ZNF804A: variants seen among roughly 807,000 people sequenced by gnomAD.
ZNF804A encodes zinc finger protein 804A.
ZNF804A carries 2 observed loss-of-function variants against 16.5 expected under a neutral mutation model. That is an observed-to-expected ratio of 0.12 (90% CI 0.05 to 0.38). The LOEUF (loss-of-function observed/expected upper bound fraction) is 0.38. ZNF804A is among the 10% of genes least tolerant of loss of function. The pLI is 0.99. For missense variants in ZNF804A, 1,473 were observed against 1,390.7 expected (o/e 1.06, Z -0.94); for synonymous variants, 534 against 489.6 (o/e 1.09, Z -1.20).
At chr2:184,636,123 A>T (rs975838074) in intron 1 of ZNF804A, among the ~76,000 whole-genome samples, 1 of 152,104 alleles carries the variant, frequency 6.6e-6, no homozygotes, top group Non-Finnish European at 1.5e-5. Context: ...GTACACGTAT[A>T]CCCACTGCAT....
At chr2:184,856,751 T>C (rs960184588) in intron 1 of ZNF804A, among the ~76,000 whole-genome samples, 1 of 152,200 alleles carries the variant, frequency 6.6e-6, no homozygotes, top group Non-Finnish European at 1.5e-5. Context: ...CTTCAGGCCA[T>C]GTTAAGGAAT....
chr2:184,761,759 A>C (rs982786579), intron 1 of ZNF804A, among the ~76,000 whole-genome samples: 2 of 152,156 alleles, frequency 1.3e-5, no homozygotes, highest in African/African-American at 4.8e-5. Context: ...GTTTGTGCAC[A>C]GAATGTAGAT....
intron 1 of ZNF804A, among the ~76,000 whole-genome samples, chr2:184,862,597 T>C (rs1263156444): frequency 1.3e-5 from 2 of 152,162 alleles, no homozygotes; most frequent in Non-Finnish European, 2.9e-5. Context: ...ATGTTAACAA[T>C]AATTTTATTT....
At chr2:184,756,196 T>C (rs1042649215) in intron 1 of ZNF804A, among the ~76,000 whole-genome samples, 1 of 151,852 alleles carries the variant, frequency 6.6e-6, no homozygotes, top group African/African-American at 2.4e-5. Context: ...TTTTTGAAGG[T>C]GTGTTCTCAT....
At chr2:184,833,539 G>T (rs138638758) in intron 1 of ZNF804A, among the ~76,000 whole-genome samples, 66 of 152,050 alleles carry the variant, frequency 4.3e-4, no homozygotes, top group Admixed American at 8.5e-4. Flanking sequence ...AGCTACATGT[G>T]GCTACTTGTT....
intron 1 of ZNF804A, among the ~76,000 whole-genome samples, chr2:184,811,753 G>A (rs1469826122): frequency 6.6e-6 from 1 of 152,032 alleles, no homozygotes; most frequent in Non-Finnish European, 1.5e-5. Context: ...AAGAAAATAA[G>A]TCATCAAAAT....
Position 184,730,729 on chromosome 2 carries a change from A to G in ZNF804A, c.111+131659A>G, listed in dbSNP as rs78015828. On this transcript the variant is annotated intron_variant, in intron 1 of 3. Transcript: ENST00000302277. Reference sequence around the variant, plus strand: ...TCTCATTTCTTTTTAGCACTGAATAATATTCCATTGTCTGGATGTGCCATG... The same window carrying G: ...TCTCATTTCTTTTTAGCACTGAATAGTATTCCATTGTCTGGATGTGCCATG... Among the ~76,000 whole-genome samples the G allele has an allele frequency of 2.7e-3, 410 of 152,194 alleles. 15 individuals carry two copies. In the East Asian group the frequency reaches 0.074, roughly 27 times the overall value.
chr2:184,621,405 C>T (rs1160666398), intron 1 of ZNF804A, among the ~76,000 whole-genome samples: 1 of 151,566 alleles, frequency 6.6e-6, no homozygotes, highest in South Asian at 2.1e-4. Context: ...ATCCATGTAT[C>T]CATATTTCTA....
intron 2 of ZNF804A, among the ~76,000 whole-genome samples, chr2:184,879,625 A>G (rs10206265): frequency 0.33 from 49,491 of 151,888 alleles, 10,791 homozygotes; most frequent in African/African-American, 0.62. Flanking sequence ...TTTGCTGTTC[A>G]GCAGGAAAAA....
chr2:184,615,459 A>G (rs2105675410), intron 1 of ZNF804A, among the ~76,000 whole-genome samples: 1 of 152,220 alleles, frequency 6.6e-6, no homozygotes, highest in Middle Eastern at 3.2e-3. Flanking sequence ...ATTAATAATG[A>G]CACTGCCTTT....
chr2:184,769,930 G>A (rs1031016816), intron 1 of ZNF804A, among the ~76,000 whole-genome samples: 1 of 151,856 alleles, frequency 6.6e-6, no homozygotes, highest in African/African-American at 2.4e-5. Flanking sequence ...ATCTGTTATT[G>A]CAAAACTAGA....
intron 1 of ZNF804A, among the ~76,000 whole-genome samples, chr2:184,693,313 G>A (rs1559127998): frequency 6.6e-6 from 1 of 152,112 alleles, no homozygotes; most frequent in East Asian, 1.9e-4. Context: ...AACCATATAT[G>A]GCATACACCT....
chr2:184,608,557 T>A (rs895276757), intron 1 of ZNF804A, among the ~76,000 whole-genome samples: 1 of 152,194 alleles, frequency 6.6e-6, no homozygotes, highest in Non-Finnish European at 1.5e-5. Context: ...GACTTGTTAT[T>A]GTTAAGCTCC....
At chr2:184,921,773 C>G (rs1476322018) in intron 2 of ZNF804A, among the ~76,000 whole-genome samples, 1 of 152,016 alleles carries the variant, frequency 6.6e-6, no homozygotes, top group Non-Finnish European at 1.5e-5. Flanking sequence ...TTACCCTACC[C>G]CCAGCTACAC....
At chr2:184,762,059 A>G (rs989623101) in intron 1 of ZNF804A, among the ~76,000 whole-genome samples, 1 of 152,096 alleles carries the variant, frequency 6.6e-6, no homozygotes, top group Admixed American at 6.5e-5. Context: ...AAAGGAATAT[A>G]TCTCTGTCAC....
chr2:184,603,119 G>A (rs918151110), intron 1 of ZNF804A, among the ~76,000 whole-genome samples: 13 of 152,126 alleles, frequency 8.5e-5, no homozygotes, highest in African/African-American at 2.2e-4. Flanking sequence ...ACTATGTTCC[G>A]CAAGAAAAGA....
intron 1 of ZNF804A, among the ~76,000 whole-genome samples, chr2:184,814,099 T>G (rs762981279): frequency 2.8e-5 from 4 of 144,150 alleles, no homozygotes. Context: ...GTGTATTGGC[T>G]GAAGACTGAT....
intron 1 of ZNF804A, among the ~76,000 whole-genome samples, chr2:184,625,878 AT>A (rs1559111398): frequency 2.0e-5 from 3 of 151,602 alleles, no homozygotes. Context: ...TTTATTTATT[AT>A]TTTTTTTGAG....
At chr2:184,669,404 T>C (rs1294791670) in intron 1 of ZNF804A, among the ~76,000 whole-genome samples, 1 of 152,068 alleles carries the variant, frequency 6.6e-6, no homozygotes, top group African/African-American at 2.4e-5. Context: ...TTATAAGCCG[T>C]AGTTCCTTAG....
Sources: allele counts gnomAD v4.1 joint callset (sites outside exome capture counted in the v4.1 genomes callset), GRCh38; gene constraint gnomAD v4.1.1; transcripts MANE v1.5; gene names NCBI Gene and HGNC (gene_info 2026-07-23, HGNC 2026-07-21).